The following VCPIP1 variants were observed in gnomAD, a reference collection of about 807,000 sequenced individuals.
The protein encoded by VCPIP1 is deubiquitinating protein VCPIP1.
Under a neutral mutation model 85.0 loss-of-function variants are expected in VCPIP1, and 8 were observed. That is an observed-to-expected ratio of 0.09 (90% CI 0.06 to 0.17). The LOEUF is 0.17. VCPIP1 is among the 10% of genes least tolerant of loss of function. The pLI, the probability that VCPIP1 is intolerant of heterozygous loss-of-function variation, is 1.00. For synonymous variants in VCPIP1, 543 were observed against 544.5 expected (o/e 1.00, Z 0.04); for missense variants, 1,070 against 1,486.3 (o/e 0.72, Z 4.61).
intron 1 of VCPIP1, among the ~76,000 whole-genome samples, chr8:66,655,755 AAC>A (rs1811094025): frequency 6.6e-6 from 1 of 152,190 alleles, no homozygotes; most frequent in South Asian, 2.1e-4. Context: ...AGAGAATAGG[AAC>A]AGTTTGGAAA....
intron 2 of VCPIP1, among the ~76,000 whole-genome samples, chr8:66,641,879 T>A (rs1446142198): frequency 3.3e-5 from 5 of 152,238 alleles, no homozygotes; most frequent in Non-Finnish European, 7.3e-5. Flanking sequence ...TAGGCTATGA[T>A]GAATAATGCA....
chr8:66,638,964 CTCTCTCTA>C (rs967182572), intron 2 of VCPIP1, among the ~76,000 whole-genome samples: 2 of 132,560 alleles, frequency 1.5e-5, no homozygotes, highest in Non-Finnish European at 3.1e-5. Flanking sequence ...CTCTCTCTCT[CTCTCTCTA>C]TATATATATA....
In VCPIP1 at chr8:66,633,705, ATTTC is replaced by A. The variant is rs1810855818; in HGVS notation, c.*792_*795del. The A allele has an allele frequency of 1.3e-5, 2 of 151,978 alleles. No homozygotes were observed. Among genetic ancestry groups the A allele is most frequent in the Admixed American group, 6.6e-5 (1 of 15,238 alleles). 9.4% of individuals were successfully genotyped at this position (151,978 alleles called of 1,614,324 possible). On this transcript the variant is annotated 3_prime_UTR_variant, in exon 3 of 3. Coordinates refer to ENST00000310421, the MANE Select transcript of VCPIP1 (RefSeq NM_025054.5). Reference sequence around the variant, plus strand: ...TTATAAATTCTCTACTGCTACCATTATTTCTTTTTCTACCACACTTTGCAATCAA... The same window carrying A: ...TTATAAATTCTCTACTGCTACCATTATTTTTCTACCACACTTTGCAATCAA...
intron 2 of VCPIP1, among the ~76,000 whole-genome samples, chr8:66,649,613 G>A (rs1811033007): frequency 6.6e-6 from 1 of 152,180 alleles, no homozygotes; most frequent in Non-Finnish European, 1.5e-5. Context: ...CACACTATAG[G>A]ATTCCATTCA....
chr8:66,634,573 C>CA lies in VCPIP1; in HGVS notation c.3596dup (p.Glu1200GlyfsTer4). The CA allele has an allele frequency of 6.2e-7, 1 of 1,614,098 alleles. No individual in the cohort carries two copies. Among genetic ancestry groups the CA allele is most frequent in the Non-Finnish European group, 8.5e-7 (1 of 1,179,996 alleles). On this transcript the variant is annotated frameshift_variant, in exon 3 of 3. Coordinates refer to ENST00000310421, the MANE Select transcript of VCPIP1 (RefSeq NM_025054.5). LOFTEE classifies it high-confidence loss of function. Reference sequence around the variant, plus strand: ...GACTATCCATCTCTTCAAGCTCCTCCACGGAATTTCCCCTTTGTGCTTTTG... The same window carrying CA: ...GACTATCCATCTCTTCAAGCTCCTCCAACGGAATTTCCCCTTTGTGCTTTTG...
At chr8:66,648,700 G>A (rs1042927041) in intron 2 of VCPIP1, among the ~76,000 whole-genome samples, 1 of 151,946 alleles carries the variant, frequency 6.6e-6, no homozygotes, top group Non-Finnish European at 1.5e-5. Context: ...GACTACAGTC[G>A]TGCACCACCA....
At chr8:66,659,690 G>A (rs1811136885) in intron 1 of VCPIP1, among the ~76,000 whole-genome samples, 1 of 152,166 alleles carries the variant, frequency 6.6e-6, no homozygotes. Flanking sequence ...CTAGCACTTT[G>A]GGAAGCCGAG....
intron 2 of VCPIP1, among the ~76,000 whole-genome samples, chr8:66,643,782 A>T (rs1398452184): frequency 6.6e-6 from 1 of 151,974 alleles, no homozygotes; most frequent in Non-Finnish European, 1.5e-5. Flanking sequence ...AATAAACATA[A>T]AAGCAGAAAT....
At chr8:66,640,689 T>G (rs1810938245) in intron 2 of VCPIP1, among the ~76,000 whole-genome samples, 1 of 143,602 alleles carries the variant, frequency 7.0e-6, no homozygotes, top group Non-Finnish European at 1.5e-5. Flanking sequence ...GAAAAGTAGC[T>G]TGACTTCAAA....
Position 66,666,774 on chromosome 8 carries a change from G to A in VCPIP1, c.185C>T (p.Ala62Val), listed in dbSNP as rs773664127. The A allele has an allele frequency of 3.7e-6, 6 of 1,613,660 alleles. No homozygotes were observed. The highest frequency in any genetic ancestry group is 2.2e-5 in the East Asian group (1 of 44,880). Residue 62 changes from alanine (A) to valine (V), a missense_variant, in exon 1 of 3, where the codon GCC (alanine) becomes GTC (valine). This residue lies in a region of VCPIP1 where 164 missense variants were observed against 158.6 expected (regional missense o/e 1.03). Coordinates refer to ENST00000310421, the MANE Select transcript of VCPIP1 (RefSeq NM_025054.5). This position sits in a 1 kb window ranked among gnomAD's most constrained non-coding sequence, Gnocchi z 6.3. ...PKCQARLFFP[A>V]SGSVSIECTE... is the part of the protein sequence containing the mutation. The stretch of plus-strand genomic sequence containing the variant: ...ACACTCGATGCTGACAGAACCGGAG[G>A]CCGGGAAAAATAGACGCGCCTGACA...
At chr8:66,647,460 G>A (rs1362886736) in intron 2 of VCPIP1, among the ~76,000 whole-genome samples, 1 of 151,904 alleles carries the variant, frequency 6.6e-6, no homozygotes, top group East Asian at 1.9e-4. Flanking sequence ...AAAAAAGATG[G>A]AGGACTCACA....
At chr8:66,661,579 C>CA (rs1463323761) in intron 1 of VCPIP1, among the ~76,000 whole-genome samples, 6 of 151,168 alleles carry the variant, frequency 4.0e-5, no homozygotes, top group Admixed American at 1.3e-4. Context: ...ACTAAAAATA[C>CA]AAAAAAATTA....
At position 66,632,462 on chromosome 8, in the gene VCPIP1, T is replaced by A. The variant is rs562993912; in HGVS notation, c.*2039A>T. On this transcript the variant is annotated 3_prime_UTR_variant, in exon 3 of 3. Coordinates refer to ENST00000310421, the MANE Select transcript of VCPIP1 (RefSeq NM_025054.5). ...GTAGCTAGAGAAATTAATAAAGTTG[T>A]CAGAGATTAAGTCCATCTTCTAACA... The A allele has an allele frequency of 6.6e-6, 1 of 152,266 alleles. No homozygotes were observed. Among genetic ancestry groups the A allele is most frequent in the South Asian group, 2.1e-4 (1 of 4,828 alleles). 9.4% of individuals were successfully genotyped at this position (152,266 alleles called of 1,614,324 possible).
chr8:66,661,755 T>C (rs1014684230), intron 1 of VCPIP1, among the ~76,000 whole-genome samples: 1 of 149,404 alleles, frequency 6.7e-6, no homozygotes, highest in African/African-American at 2.5e-5. Flanking sequence ...TATATAATCA[T>C]ACCGATCAGA....
chr8:66,639,689 T>C (rs1563566875), intron 2 of VCPIP1, among the ~76,000 whole-genome samples: 1 of 152,206 alleles, frequency 6.6e-6, no homozygotes. Flanking sequence ...TAGTATAGTT[T>C]AGTTATAATG....
intron 1 of VCPIP1, among the ~76,000 whole-genome samples, chr8:66,654,352 T>C (rs1811080152): frequency 6.6e-6 from 1 of 152,240 alleles, no homozygotes; most frequent in Admixed American, 6.5e-5. Context: ...GGCACATGCC[T>C]GTTATCCTAG....
intron 1 of VCPIP1, among the ~76,000 whole-genome samples, chr8:66,652,640 G>C (rs2130169327): frequency 6.6e-6 from 1 of 151,170 alleles, no homozygotes; most frequent in East Asian, 1.9e-4. Context: ...ATTTTTGAAA[G>C]TAAAATACAA....
At position 66,667,008 on chromosome 8, in the gene VCPIP1, C is replaced by G. The variant is rs1811224765; in HGVS notation, c.-50G>C. 1.4e-6 allele frequency: 2 copies of G among 1,465,604 alleles called. No homozygotes were observed. Among genetic ancestry groups the G allele is most frequent in the Non-Finnish European group, 1.8e-6 (2 of 1,114,732 alleles). 90.8% of individuals were successfully genotyped at this position (1,465,604 alleles called of 1,614,324 possible). A position where few individuals can be genotyped will look rare whatever the true frequency, so the allele number is the denominator to read the frequency against. On this transcript the variant is annotated 5_prime_UTR_variant, in exon 1 of 3. Coordinates refer to ENST00000310421, the MANE Select transcript of VCPIP1 (RefSeq NM_025054.5). Reference sequence around the variant, plus strand: ...CCGCGTCCCAGGCGACCCTCAAAAGCTCATAGCCCAGACCCCCACCAACCC... The same window carrying G: ...CCGCGTCCCAGGCGACCCTCAAAAGGTCATAGCCCAGACCCCCACCAACCC...
chr8:66,658,374 T>C (rs796577400), intron 1 of VCPIP1, among the ~76,000 whole-genome samples: 1 of 149,826 alleles, frequency 6.7e-6, no homozygotes, highest in Non-Finnish European at 1.5e-5. Context: ...GCATAAGTAC[T>C]ATCTAGATTT....
Sources: gnomAD v4.1 joint callset for allele counts (sites outside exome capture counted in the v4.1 genomes callset) on GRCh38, gnomAD v4.1.1 for gene constraint, gnomAD v4.1.1 regional missense constraint, Gnocchi (gnomAD v3.1) non-coding constraint, MANE v1.5 for transcripts, NCBI Gene and HGNC (gene_info 2026-07-23, HGNC 2026-07-21) for gene names.